The following USP34 variants were observed in gnomAD, a reference collection of about 807,000 sequenced individuals.
The protein encoded by USP34 is ubiquitin carboxyl-terminal hydrolase 34.
Under a neutral mutation model 460.3 loss-of-function variants are expected in USP34, and 70 were observed. That is an observed-to-expected ratio of 0.15 (90% CI 0.13 to 0.19). USP34 has a LOEUF of 0.19. Ranked by LOEUF, USP34 falls within the 10% of genes least tolerant of loss-of-function variation. The probability of loss-of-function intolerance (pLI) is 1.00; values close to 1 mark genes in which losing one functional copy is unlikely to be tolerated. For synonymous variants in USP34, 1,647 were observed against 1,405.3 expected (o/e 1.17, Z -3.85); for missense variants, 3,985 against 4,236.2 (o/e 0.94, Z 1.65).
At chr2:61,356,439 A>G (rs996205361) in intron 10 of USP34, among the ~76,000 whole-genome samples, 9 of 151,992 alleles carry the variant, frequency 5.9e-5, no homozygotes, top group African/African-American at 1.7e-4. Flanking sequence ...GCAGTGAGCC[A>G]TAATTGTGCC....
chr2:61,391,809 T>C (rs1410257574), intron 5 of USP34, among the ~76,000 whole-genome samples: 1 of 152,126 alleles, frequency 6.6e-6, no homozygotes, highest in Admixed American at 6.6e-5. Context: ...ACTAAAATAT[T>C]AACCATATAA....
intron 1 of USP34, among the ~76,000 whole-genome samples, chr2:61,437,479 G>C (rs981056539): frequency 2.0e-5 from 3 of 152,004 alleles, no homozygotes; most frequent in African/African-American, 7.2e-5. Flanking sequence ...GAACCAATAA[G>C]AAATAAAAAA....
chr2:61,325,314 T>C, intron 21 of USP34, 61 bp downstream of exon 21: 1 of 1,127,830 alleles, frequency 8.9e-7, no homozygotes, highest in Non-Finnish European at 1.2e-6. Context: ...GAAGCAAAAG[T>C]AAATTTAGTT....
intron 10 of USP34, among the ~76,000 whole-genome samples, chr2:61,356,824 A>G (rs920449054): frequency 2.0e-5 from 3 of 152,206 alleles, no homozygotes; most frequent in Non-Finnish European, 4.4e-5. Context: ...ACATTAGTGA[A>G]CTACACACTT....
At chr2:61,350,461 C>CA in intron 11 of USP34, 72 bp from the exon 12 acceptor site, 1 of 1,563,776 alleles carries the variant, frequency 6.4e-7, no homozygotes, top group East Asian at 2.3e-5. Context: ...TCCTTTTTGT[C>CA]AAACTGAAAT....
rs771646059 is a variant in USP34, at chr2:61,189,073, C to G, written c.9874-4G>C. On this transcript the variant is annotated splice_polypyrimidine_tract_variant and splice_region_variant and intron_variant, in intron 78 of 79. Coordinates refer to ENST00000398571, the MANE Select transcript of USP34 (RefSeq NM_014709.4). ...GCAAAGCGAGTGCCCTCAGGTCCTA[C>G]AAAAACCCAGATAGGAACATTTCAA... The G allele has an allele frequency of 8.1e-6, 13 of 1,607,744 alleles. No individual in the cohort carries two copies. The highest frequency in any genetic ancestry group is 3.4e-5 in the South Asian group (3 of 89,450).
chr2:61,189,029 G>A lies in USP34; in HGVS notation c.9914C>T (p.Pro3305Leu), dbSNP rs1686538411. 6.2e-7 allele frequency: 1 copy of A among 1,614,158 alleles called. No individual in the cohort carries two copies. The highest frequency in any genetic ancestry group is 8.5e-7 in the Non-Finnish European group (1 of 1,180,034). Reference sequence around the variant, plus strand: ...AATTAGAGCTGGGTTTAACTGTTTGGGAGTGTGTACTGACAGGAGCAAAGC... The same window carrying A: ...AATTAGAGCTGGGTTTAACTGTTTGAGAGTGTGTACTGACAGGAGCAAAGC... The part of the protein sequence containing the change: ...ALALLLSVHT[P>L]KQLNPALIPT... The change falls in exon 79 of 80, where the codon CCC becomes CTC. Residue 3305 changes from proline to leucine, a missense_variant. Physicochemically the swap from Pro to Leu is moderately conservative, Grantham distance 98. Transcript: ENST00000398571.
intron 1 of USP34, among the ~76,000 whole-genome samples, chr2:61,444,707 C>T (rs1695058984): frequency 6.6e-6 from 1 of 152,034 alleles, no homozygotes; most frequent in Admixed American, 6.6e-5. Context: ...TCACGGGCTA[C>T]CTGAATGACA....
intron 75 of USP34, among the ~76,000 whole-genome samples, chr2:61,197,497 G>A (rs548490988): frequency 1.8e-4 from 27 of 152,238 alleles, no homozygotes; most frequent in Non-Finnish European, 2.2e-4. Context: ...TGATTCCAAA[G>A]CCCATAAGCT....
At chr2:61,209,211 C>G (rs1396490656) in intron 69 of USP34, among the ~76,000 whole-genome samples, 1 of 152,064 alleles carries the variant, frequency 6.6e-6, no homozygotes, top group Non-Finnish European at 1.5e-5. Flanking sequence ...TCTACAATGG[C>G]AGAAGATATG....
At chr2:61,218,765 T>TA (rs1687474515) in intron 67 of USP34, among the ~76,000 whole-genome samples, 1 of 152,174 alleles carries the variant, frequency 6.6e-6, no homozygotes, top group Admixed American at 6.5e-5. Flanking sequence ...GTGTCATGGT[T>TA]AGATTCAGGT....
intron 15 of USP34, 61 bp downstream of exon 15, chr2:61,347,809 T>A: frequency 6.4e-7 from 1 of 1,566,190 alleles, no homozygotes; most frequent in South Asian, 1.2e-5. Context: ...AAATTGAATA[T>A]AGGATATAAT....
intron 1 of USP34, among the ~76,000 whole-genome samples, chr2:61,458,784 T>G (rs766011412): frequency 6.6e-6 from 1 of 151,748 alleles, no homozygotes; most frequent in Non-Finnish European, 1.5e-5. Flanking sequence ...CCTTAAAATC[T>G]TGGCGGGGCA....
At chr2:61,402,203 C>A (rs1337847261) in intron 3 of USP34, among the ~76,000 whole-genome samples, 5 of 151,922 alleles carry the variant, frequency 3.3e-5, no homozygotes, top group South Asian at 2.1e-4. Context: ...TCGTTTGAGC[C>A]CAGGAATTCA....
chr2:61,296,931 C>T lies in USP34; in HGVS notation c.4129-6G>A, dbSNP rs775585688. On this transcript the variant is annotated splice_polypyrimidine_tract_variant and splice_region_variant and intron_variant, in intron 29 of 79. Coordinates refer to ENST00000398571, the MANE Select transcript of USP34 (RefSeq NM_014709.4). ...AGTTCTTCACATCGTAAGCTCTACA[C>T]AAATAAGAACAACTACTTTATCAAA... 1.9e-6 allele frequency: 3 copies of T among 1,604,410 alleles called. No individual in the cohort carries two copies. The highest frequency in any genetic ancestry group is 2.2e-5 in the East Asian group (1 of 44,714).
chr2:61,315,871 G>C (rs760430420), intron 23 of USP34, among the ~76,000 whole-genome samples: 10 of 152,026 alleles, frequency 6.6e-5, no homozygotes, highest in Non-Finnish European at 8.8e-5. Flanking sequence ...AACAGAGCAC[G>C]ACTACTTCAG....
At chr2:61,421,715 G>A (rs909982512) in intron 1 of USP34, among the ~76,000 whole-genome samples, 1 of 152,102 alleles carries the variant, frequency 6.6e-6, no homozygotes, top group Non-Finnish European at 1.5e-5. Context: ...GCAGTAATAT[G>A]TCCTACTATA....
At chr2:61,338,383 G>A (rs1691491171) in intron 18 of USP34, among the ~76,000 whole-genome samples, 1 of 152,104 alleles carries the variant, frequency 6.6e-6, no homozygotes, top group Non-Finnish European at 1.5e-5. Flanking sequence ...TCTACTAGTG[G>A]TTTCTTATAT....
intron 18 of USP34, among the ~76,000 whole-genome samples, chr2:61,338,044 A>C (rs1351330775): frequency 2.6e-5 from 4 of 152,240 alleles, no homozygotes; most frequent in Non-Finnish European, 4.4e-5. Context: ...TATACCGGCC[A>C]GGCACAGTGA....
Sources: allele counts gnomAD v4.1 joint callset (sites outside exome capture counted in the v4.1 genomes callset), GRCh38; gene constraint gnomAD v4.1.1; transcripts MANE v1.5; gene names NCBI Gene and HGNC (gene_info 2026-07-23, HGNC 2026-07-21).